The following DOCK4 variants were observed in gnomAD, a reference collection of about 807,000 sequenced individuals.
DOCK4 encodes the protein dedicator of cytokinesis protein 4.
DOCK4 carries 97 observed loss-of-function variants against 268.1 expected under a neutral mutation model. The ratio of observed to expected loss-of-function variants is 0.36; its 90% confidence interval spans 0.31 to 0.43. The LOEUF (loss-of-function observed/expected upper bound fraction) is 0.43, where lower values mean the gene tolerates loss of function less well. Among genes scored for constraint, DOCK4 ranks in the 20% least tolerant of loss-of-function variants. The pLI is 1.00. For synonymous variants in DOCK4, 954 were observed against 887.2 expected (o/e 1.08, Z -1.34); for missense variants, 2,145 against 2,455.7 (o/e 0.87, Z 2.67).
chr7:111,802,966 C>T (rs1469859303), intron 30 of DOCK4, among the ~76,000 whole-genome samples: 2 of 152,066 alleles, frequency 1.3e-5, no homozygotes, highest in Admixed American at 6.6e-5. Flanking sequence ...GGACATTTTA[C>T]AAATATAGAA....
chr7:112,041,555 A>T (rs1200839736), intron 1 of DOCK4, among the ~76,000 whole-genome samples: 2 of 152,220 alleles, frequency 1.3e-5, no homozygotes, highest in African/African-American at 4.8e-5. Flanking sequence ...TGTAACAATA[A>T]ACCTGGGCAT....
chr7:111,907,506 A>T lies in DOCK4; in HGVS notation c.1193-5705T>A, dbSNP rs138778991. Among the ~76,000 whole-genome samples the T allele has an allele frequency of 4.3e-3, 649 of 152,248 alleles. 3 individuals are homozygous for T. Among genetic ancestry groups the T allele is most frequent in the African/African-American group, 0.015 (620 of 41,542 alleles). The stretch of plus-strand genomic sequence containing the variant: ...TAAGCTTCATAATTTGAGAGGTACC[A>T]GTCCCTCCCTCTGTCTGATCTAGGT... On this transcript the variant is annotated intron_variant, in intron 13 of 52. Transcript: ENST00000428084.
At chr7:111,767,754 G>A (rs756728743) in intron 37 of DOCK4, among the ~76,000 whole-genome samples, 21 of 152,124 alleles carry the variant, frequency 1.4e-4, no homozygotes, top group Admixed American at 3.3e-4. Flanking sequence ...TCAGTGCAGA[G>A]GAGAGAATTA....
At chr7:112,003,529 T>C (rs1295375241) in intron 2 of DOCK4, among the ~76,000 whole-genome samples, 1 of 152,240 alleles carries the variant, frequency 6.6e-6, no homozygotes, top group African/African-American at 2.4e-5. Flanking sequence ...ACTACATAAA[T>C]TAATAATCAT....
At chr7:112,187,788 T>C (rs927303189) in intron 1 of DOCK4, among the ~76,000 whole-genome samples, 1 of 152,194 alleles carries the variant, frequency 6.6e-6, no homozygotes, top group African/African-American at 2.4e-5. Context: ...AGTGCTATAA[T>C]TTGGATGTAG....
chr7:111,933,335 G>A (rs547012682), intron 12 of DOCK4, among the ~76,000 whole-genome samples: 41 of 128,120 alleles, frequency 3.2e-4, no homozygotes, highest in Non-Finnish European at 5.5e-4. Context: ...TCTCTCTGTC[G>A]CCAGGCTGGA....
intron 12 of DOCK4, among the ~76,000 whole-genome samples, chr7:111,930,479 C>T (rs927803032): frequency 6.6e-6 from 1 of 152,076 alleles, no homozygotes; most frequent in African/African-American, 2.4e-5. Context: ...TTCAAAGTTG[C>T]GTTTTTTTCT....
chr7:112,161,433 G>GA (rs1438956091), intron 1 of DOCK4, among the ~76,000 whole-genome samples: 1 of 152,154 alleles, frequency 6.6e-6, no homozygotes, highest in Non-Finnish European at 1.5e-5. Context: ...GTCTGGCATG[G>GA]AAAACCTAAT....
chr7:111,742,998 GAAAAAAA>G (rs956769680), intron 44 of DOCK4, among the ~76,000 whole-genome samples: 1 of 139,150 alleles, frequency 7.2e-6, no homozygotes, highest in African/African-American at 2.7e-5. Context: ...TCTCCAAAAA[GAAAAAAA>G]AAAGAAAAAA....
chr7:111,998,305 C>T, intron 4 of DOCK4, 143 bp downstream of exon 4: 2 of 634,114 alleles, frequency 3.2e-6, no homozygotes, highest in South Asian at 2.9e-5. Context: ...GGTCTTAATG[C>T]AATATATCTT....
At chr7:111,942,388 T>C (rs774945421) in intron 10 of DOCK4, among the ~76,000 whole-genome samples, 1 of 152,218 alleles carries the variant, frequency 6.6e-6, no homozygotes, top group African/African-American at 2.4e-5. Flanking sequence ...GTAAGAAGTA[T>C]GTGTCCCTTG....
chr7:112,172,349 C>G (rs1486905165), intron 1 of DOCK4, among the ~76,000 whole-genome samples: 1 of 152,092 alleles, frequency 6.6e-6, no homozygotes, highest in African/African-American at 2.4e-5. Context: ...TGGTGGCCAC[C>G]AGCCTCTCTT....
intron 34 of DOCK4, 129 bp downstream of exon 34, chr7:111,783,728 T>C (rs1050939267): frequency 1.1e-5 from 9 of 795,770 alleles, no homozygotes; most frequent in Non-Finnish European, 1.8e-5. Flanking sequence ...TATCTTAGTA[T>C]ACCAGGTTCC....
intron 5 of DOCK4, 144 bp downstream of exon 5, chr7:111,993,991 A>G (rs1368138772): frequency 1.0e-5 from 5 of 483,064 alleles, no homozygotes; most frequent in Non-Finnish European, 1.5e-5. Flanking sequence ...AGATTGTAAC[A>G]AGACTGTCTT....
At position 111,933,680 on chromosome 7, in the gene DOCK4, A is replaced by G. The variant is rs557126028; in HGVS notation, c.1066+1860T>C. Reference sequence around the variant, plus strand: ...TATTTCATTTCTCCTGTCTCGTGTGAGTCTTTTAGAGATTCTGCCCTCAAT... The same window carrying G: ...TATTTCATTTCTCCTGTCTCGTGTGGGTCTTTTAGAGATTCTGCCCTCAAT... On this transcript the variant is annotated intron_variant, in intron 12 of 52. Coordinates refer to ENST00000428084, the MANE Select transcript of DOCK4 (RefSeq NM_001363540.2). 5.6e-4 allele frequency among the ~76,000 whole-genome samples: 85 copies of G among 152,048 alleles called. 1 individual carries two copies. The highest frequency in any genetic ancestry group is 8.2e-4 in the Non-Finnish European group (56 of 68,028).
At chr7:111,993,391 T>A (rs1472893747) in intron 5 of DOCK4, among the ~76,000 whole-genome samples, 1 of 152,182 alleles carries the variant, frequency 6.6e-6, no homozygotes, top group East Asian at 1.9e-4. Flanking sequence ...ACCCCCAGAC[T>A]TCCACAGTTA....
chr7:112,057,439 T>G (rs951522674), intron 1 of DOCK4, among the ~76,000 whole-genome samples: 13 of 151,842 alleles, frequency 8.6e-5, no homozygotes, highest in Non-Finnish European at 1.5e-4. Context: ...TAGTCCCAGC[T>G]GCTCTGGAGG....
intron 28 of DOCK4, among the ~76,000 whole-genome samples, chr7:111,811,317 T>C (rs890139332): frequency 1.3e-5 from 2 of 152,074 alleles, no homozygotes; most frequent in African/African-American, 2.4e-5. Context: ...AGAACCACCA[T>C]TGAGGAAGAA....
chr7:111,873,230 A>C (rs182646545), intron 17 of DOCK4, among the ~76,000 whole-genome samples: 1 of 152,334 alleles, frequency 6.6e-6, no homozygotes, highest in Non-Finnish European at 1.5e-5. Flanking sequence ...ACCCTTTCCT[A>C]AACAGACATG....
Sources: allele counts gnomAD v4.1 joint callset (sites outside exome capture counted in the v4.1 genomes callset), GRCh38; gene constraint gnomAD v4.1.1; transcripts MANE v1.5; gene names NCBI Gene and HGNC (gene_info 2026-07-23, HGNC 2026-07-21).